DDX25: variants seen among roughly 807,000 people sequenced by gnomAD.
DDX25 encodes DEAD-box helicase 25, also known as ATP-dependent RNA helicase DDX25.
A neutral mutation model predicts 64.6 loss-of-function variants in DDX25; 70 were observed. That is an observed-to-expected ratio of 1.08 (90% CI 0.89 to 1.32). DDX25 has a LOEUF of 1.32. DDX25 is among the 40% of genes most tolerant of loss of function. The pLI, the probability that DDX25 is intolerant of heterozygous loss-of-function variation, is 0.00. For synonymous variants in DDX25, 211 were observed against 213.3 expected (o/e 0.99, Z 0.09); for missense variants, 587 against 604.4 (o/e 0.97, Z 0.30).
In DDX25 at chr11:125,922,818, A is replaced by C. The variant is rs1387755030; in HGVS notation, c.1391-2A>C. 2 of 1,606,462 alleles carry C rather than the reference A, an allele frequency of 1.2e-6. No homozygotes were observed. The highest frequency in any genetic ancestry group is 1.7e-6 in the Non-Finnish European group (2 of 1,176,168). ...TAGTTCTGTTCTCTTTTGTTCTTTT[A>C]GACAGCAGTATTAAGCAACTCAACG... is the stretch of plus-strand genomic sequence containing the variant. On this transcript the variant is annotated splice_acceptor_variant, in intron 11 of 11. Transcript: ENST00000263576. LOFTEE classifies it high-confidence loss of function.
At chr11:125,920,986 T>C (rs148289896) in intron 10 of DDX25, 8,260 of 570,760 alleles carry the variant, frequency 0.014, 87 homozygotes, top group Middle Eastern at 0.028. Context: ...TGTAGCATTC[T>C]CTATGGACAC....
At chr11:125,922,715 C>T in intron 11 of DDX25, 105 bp from the exon 12 acceptor site, 1 of 1,061,148 alleles carries the variant, frequency 9.4e-7, no homozygotes, top group Non-Finnish European at 1.3e-6. Context: ...GTTCCTATAC[C>T]AAGGCTTTTT....
chr11:125,909,807 G>A (rs755875191), intron 6 of DDX25, among the ~76,000 whole-genome samples: 7 of 152,062 alleles, frequency 4.6e-5, no homozygotes, highest in East Asian at 1.9e-4. Context: ...CCGCCATCAC[G>A]CCTGGCTAAT....
chr11:125,918,214 A>G (rs1033201655), intron 9 of DDX25, among the ~76,000 whole-genome samples: 4 of 152,124 alleles, frequency 2.6e-5, no homozygotes, highest in Non-Finnish European at 4.4e-5. Flanking sequence ...TTAGGTTGCT[A>G]CTTCATTAAT....
chr11:125,908,413 C>T lies in DDX25; in HGVS notation c.417C>T (p.Leu139=). Residue 139 remains leucine, a synonymous_variant, in exon 6 of 12, where the codon CTC becomes CTT. Transcript: ENST00000263576. ...PMMLAHPPQN[L]IAQSQSGTGK... is the part of the protein sequence containing the mutation. ...CTCTTTTCTACAGACCCCAGAACCT[C>T]ATAGCACAGAGCCAGTCTGGAACAG... 1 of 1,613,992 alleles carries T rather than the reference C, an allele frequency of 6.2e-7. No individual in the cohort carries two copies. The highest frequency in any genetic ancestry group is 1.7e-5 in the Admixed American group (1 of 60,030).
Position 125,911,370 on chromosome 11 carries a change from G to C in DDX25, c.682G>C (p.Asp228His). 6.2e-7 allele frequency: 1 copy of C among 1,613,824 alleles called. No individual in the cohort carries two copies. Among genetic ancestry groups the C allele is most frequent in the Non-Finnish European group, 8.5e-7 (1 of 1,179,818 alleles). Residue 228 changes from aspartate (D) to histidine (H), a missense_variant, in exon 8 of 12, where the codon GAT (aspartate) becomes CAT (histidine). Physicochemically the swap from Asp to His is moderately conservative, Grantham distance 81. Coordinates refer to ENST00000263576, the MANE Select transcript of DDX25 (RefSeq NM_013264.5). Reference sequence around the variant, plus strand: ...AATTGGCACTCCTGGGACTGTCCTAGATTGGTGTTTTAAACTAAAATTGAT... The same window carrying C: ...AATTGGCACTCCTGGGACTGTCCTACATTGGTGTTTTAAACTAAAATTGAT... The part of the protein sequence containing the change: ...IIIGTPGTVL[D>H]WCFKLKLIDL...
chr11:125,921,172 A>G lies in DDX25; in HGVS notation c.1202-19A>G, dbSNP rs767213146. Reference sequence around the variant, plus strand: ...TGAGGAAAGCATTGCAGGACCCTACAGTGTTTTTCCTCTTCTAGGGATTGA... The same window carrying G: ...TGAGGAAAGCATTGCAGGACCCTACGGTGTTTTTCCTCTTCTAGGGATTGA... On this transcript the variant is annotated intron_variant, in intron 10 of 11. Transcript: ENST00000263576. This position sits in a 1 kb window ranked among gnomAD's most constrained non-coding sequence, Gnocchi z 4.1. 6.2e-7 allele frequency: 1 copy of G among 1,602,230 alleles called. No individual in the cohort carries two copies.
intron 8 of DDX25, among the ~76,000 whole-genome samples, chr11:125,916,534 C>G (rs538454038): frequency 6.6e-6 from 1 of 152,142 alleles, no homozygotes. Flanking sequence ...ACTGTACTTT[C>G]CCCTGTTGCT....
chr11:125,908,604 A>G (rs893003920), intron 6 of DDX25, 101 bp downstream of exon 6: 1 of 1,142,572 alleles, frequency 8.8e-7, no homozygotes. Context: ...TATGGTGATG[A>G]AATATTTAGA....
chr11:125,921,279 C>G lies in DDX25; in HGVS notation c.1290C>G (p.His430Gln). 2 of 1,613,518 alleles carry G rather than the reference C, an allele frequency of 1.2e-6. No homozygotes were observed. The highest frequency in any genetic ancestry group is 1.7e-6 in the Non-Finnish European group (2 of 1,179,746). ...GEEPDYETYL[H>Q]RIGRTGRFGK... ...AGCCGGACTATGAGACCTACCTCCACCGCATAGGGCGGACGGGGCGCTTTG... is the reference window on the plus strand; with the variant it reads ...AGCCGGACTATGAGACCTACCTCCAGCGCATAGGGCGGACGGGGCGCTTTG... Residue 430 changes from histidine (H) to glutamine (Q), a missense_variant, in exon 11 of 12, where the codon CAC becomes CAG. By Grantham distance (24) the His-to-Gln change is conservative (BLOSUM62 0). Coordinates refer to ENST00000263576, the MANE Select transcript of DDX25 (RefSeq NM_013264.5). This position sits in a 1 kb window ranked among gnomAD's most constrained non-coding sequence, Gnocchi z 4.1.
In DDX25 at chr11:125,921,513, T is replaced by G; in HGVS notation, c.1390+134T>G. Reference sequence around the variant, plus strand: ...ATGCATGAGCTGGAAGGCTTCTAATTCACAGGACCAGGGTTCTAATATGAG... The same window carrying G: ...ATGCATGAGCTGGAAGGCTTCTAATGCACAGGACCAGGGTTCTAATATGAG... On this transcript the variant is annotated intron_variant, in intron 11 of 11. Transcript: ENST00000263576. This position sits in a 1 kb window ranked among gnomAD's most constrained non-coding sequence, Gnocchi z 4.1. The G allele has an allele frequency of 1.0e-6, 1 of 959,116 alleles. No individual in the cohort carries two copies. Among genetic ancestry groups the G allele is most frequent in the Non-Finnish European group, 1.5e-6 (1 of 664,054 alleles). The allele number at this position is 959,116 out of a possible 1,614,324, so 59.4% of individuals were successfully genotyped here.
At chr11:125,912,545 T>A (rs184544407) in intron 8 of DDX25, among the ~76,000 whole-genome samples, 1 of 152,346 alleles carries the variant, frequency 6.6e-6, no homozygotes, top group African/African-American at 2.4e-5. Flanking sequence ...TCTTGTGTAC[T>A]TTAAATCATT....
Position 125,911,302 on chromosome 11 carries a change from T to C in DDX25, c.623-9T>C. 6.2e-7 allele frequency: 1 copy of C among 1,605,654 alleles called. No individual in the cohort carries two copies. The highest frequency in any genetic ancestry group is 2.2e-5 in the East Asian group (1 of 44,758). On this transcript the variant is annotated splice_polypyrimidine_tract_variant and intron_variant, in intron 7 of 11. Coordinates refer to ENST00000263576, the MANE Select transcript of DDX25 (RefSeq NM_013264.5). The stretch of plus-strand genomic sequence containing the variant: ...TCTGAAGGAGTGCTTAAAACCCTTT[T>C]CTCCCCAGTTCCCAGAGGCACCGAC...
Position 125,918,589 on chromosome 11 carries a change from A to T in DDX25, c.1039-39A>T, listed in dbSNP as rs1384152312. The T allele has an allele frequency of 3.8e-6, 6 of 1,598,264 alleles. No individual in the cohort carries two copies. The South Asian group carries it at 6.7e-5, about 18-fold the overall frequency. On this transcript the variant is annotated intron_variant, in intron 9 of 11. Coordinates refer to ENST00000263576, the MANE Select transcript of DDX25 (RefSeq NM_013264.5). Reference sequence around the variant, plus strand: ...AAGCACAGCTAGGCTGCTTTGCTTAATCTTGGGGTGCTGTGTTGGGTTTTG... The same window carrying T: ...AAGCACAGCTAGGCTGCTTTGCTTATTCTTGGGGTGCTGTGTTGGGTTTTG...
At chr11:125,914,735 A>G (rs1488922548) in intron 8 of DDX25, among the ~76,000 whole-genome samples, 1 of 152,174 alleles carries the variant, frequency 6.6e-6, no homozygotes, top group East Asian at 1.9e-4. Context: ...TAGTAGTGAA[A>G]AAGGGCTTTC....
At chr11:125,907,398 G>A (rs1027334566) in intron 4 of DDX25, among the ~76,000 whole-genome samples, 9 of 152,086 alleles carry the variant, frequency 5.9e-5, no homozygotes, top group Non-Finnish European at 1.2e-4. Context: ...CACGAGGTCA[G>A]GAGATCGAGA....
intron 11 of DDX25, chr11:125,922,598 G>T: frequency 2.3e-6 from 1 of 435,660 alleles, no homozygotes. Flanking sequence ...TTCCACTCTG[G>T]CCTTCTCTGC....
chr11:125,906,358 C>A lies in DDX25; in HGVS notation c.311+149C>A, dbSNP rs530520346. 41 of 1,079,416 alleles carry A rather than the reference C, an allele frequency of 3.8e-5. No individual in the cohort carries two copies. In the African/African-American group the frequency reaches 5.9e-4, roughly 15 times the overall value. The allele number at this position is 1,079,416 out of a possible 1,614,324, so 66.9% of individuals were successfully genotyped here. A position where few individuals can be genotyped will look rare whatever the true frequency, so the allele number is the denominator to read the frequency against. On this transcript the variant is annotated intron_variant, in intron 4 of 11. Coordinates refer to ENST00000263576, the MANE Select transcript of DDX25 (RefSeq NM_013264.5). ...TATTTGAGACAGAGTCTCACTCTGT[C>A]CCCCAGGCTGGAGTGCAGTGATACG... is the stretch of plus-strand genomic sequence containing the variant.
At chr11:125,914,352 G>T (rs1274144687) in intron 8 of DDX25, among the ~76,000 whole-genome samples, 3 of 152,210 alleles carry the variant, frequency 2.0e-5, no homozygotes, top group African/African-American at 7.2e-5. Context: ...CTGGGGGATA[G>T]ACCCTTGGTT....
Sources: gnomAD v4.1 joint callset for allele counts (sites outside exome capture counted in the v4.1 genomes callset) on GRCh38, gnomAD v4.1.1 for gene constraint, Gnocchi (gnomAD v3.1) non-coding constraint, MANE v1.5 for transcripts, NCBI Gene and HGNC (gene_info 2026-07-23, HGNC 2026-07-21) for gene names.